Variants in STT3B observed in about 807,000 individuals in gnomAD.
STT3B encodes the protein STT3 oligosaccharyltransferase complex catalytic subunit B.
A neutral mutation model predicts 96.8 loss-of-function variants in STT3B; 29 were observed. That is an observed-to-expected ratio of 0.30 (90% CI 0.22 to 0.41). STT3B has a LOEUF of 0.41. STT3B is among the 10% of genes least tolerant of loss of function. STT3B has a pLI of 1.00. For missense variants in STT3B, 640 were observed against 1,022.3 expected, an observed-to-expected ratio of 0.63 and a Z score of 5.10; for synonymous variants, 367 against 360.0, an observed-to-expected ratio of 1.02 and a Z score of -0.22.
intron 2 of STT3B, among the ~76,000 whole-genome samples, chr3:31,578,483 T>C (rs1047476915): frequency 1.3e-5 from 2 of 152,100 alleles, no homozygotes; most frequent in African/African-American, 4.8e-5. Context: ...TTGGCTGTTT[T>C]TGTGTGTGTC....
At chr3:31,570,247 TAAGC>T (rs557087892) in intron 1 of STT3B, among the ~76,000 whole-genome samples, 7 of 152,150 alleles carry the variant, frequency 4.6e-5, no homozygotes, top group Non-Finnish European at 8.8e-5. Flanking sequence ...AGTAATTAGC[TAAGC>T]AAGCATTAAT....
chr3:31,628,043 C>T (rs1266378377), intron 13 of STT3B, among the ~76,000 whole-genome samples: 1 of 150,358 alleles, frequency 6.7e-6, no homozygotes, highest in Non-Finnish European at 1.5e-5. Flanking sequence ...TAGGTAATAA[C>T]AATGTATTGT....
intron 1 of STT3B, among the ~76,000 whole-genome samples, chr3:31,542,769 G>C (rs1308699408): frequency 6.6e-6 from 1 of 152,118 alleles, no homozygotes; most frequent in African/African-American, 2.4e-5. Context: ...TATATTGACT[G>C]TTAAGAAAAA....
At chr3:31,536,682 C>CT (rs1482536244) in intron 1 of STT3B, among the ~76,000 whole-genome samples, 2 of 152,164 alleles carry the variant, frequency 1.3e-5, no homozygotes, top group African/African-American at 4.8e-5. Context: ...GTACACTGCA[C>CT]TTTTTTAACA....
At chr3:31,578,668 C>CT (rs886175769) in intron 2 of STT3B, among the ~76,000 whole-genome samples, 3 of 151,412 alleles carry the variant, frequency 2.0e-5, no homozygotes, top group Non-Finnish European at 4.4e-5. Flanking sequence ...AATTATCATG[C>CT]TTTTTTTTCC....
At chr3:31,593,710 C>G (rs1331493427) in intron 3 of STT3B, among the ~76,000 whole-genome samples, 1 of 152,044 alleles carries the variant, frequency 6.6e-6, no homozygotes. Context: ...TCTAAAATTT[C>G]TAGTTCATTC....
At position 31,532,950 on chromosome 3, in the gene STT3B, A is replaced by AGGG; in HGVS notation, c.-47_-46insGGG. The AGGG allele has an allele frequency of 6.5e-7, 1 of 1,546,264 alleles. No individual in the cohort carries two copies. Among genetic ancestry groups the AGGG allele is most frequent in the East Asian group, 2.6e-5 (1 of 38,334 alleles). ...GTCCCCGCCCAGCACCCCTCGCACC[A>AGGG]GGCGGCGGCGGCGGAGGAGGAGAGC... On this transcript the variant is annotated 5_prime_UTR_variant, in exon 1 of 16. Transcript: ENST00000295770.
chr3:31,581,505 C>A (rs903385209), intron 3 of STT3B, among the ~76,000 whole-genome samples: 4 of 152,090 alleles, frequency 2.6e-5, no homozygotes, highest in Non-Finnish European at 5.9e-5. Context: ...CTACCATTTG[C>A]ATTTTTTAAT....
At chr3:31,626,703 C>T (rs115117510) in intron 13 of STT3B, among the ~76,000 whole-genome samples, 103 of 152,132 alleles carry the variant, frequency 6.8e-4, no homozygotes, top group African/African-American at 2.3e-3. Context: ...AAATGGTGAC[C>T]GAGGCCGACT....
chr3:31,578,088 C>G (rs1239962876), intron 2 of STT3B, among the ~76,000 whole-genome samples: 2 of 152,130 alleles, frequency 1.3e-5, no homozygotes, highest in African/African-American at 4.8e-5. Flanking sequence ...GTAGAACCCA[C>G]ATTGACACAT....
chr3:31,561,056 A>T (rs1197251594), intron 1 of STT3B, among the ~76,000 whole-genome samples: 1 of 151,506 alleles, frequency 6.6e-6, no homozygotes, highest in Non-Finnish European at 1.5e-5. Context: ...TATATTTTTT[A>T]TTTCATTCAA....
chr3:31,553,045 T>C (rs1018694432), intron 1 of STT3B, among the ~76,000 whole-genome samples: 2 of 141,870 alleles, frequency 1.4e-5, no homozygotes, highest in Non-Finnish European at 3.0e-5. Flanking sequence ...GAGCTTGCAG[T>C]GAGTCGAGAT....
rs774061770 is a variant in STT3B, at chr3:31,632,922, G to A, written c.2188-13G>A. On this transcript the variant is annotated splice_polypyrimidine_tract_variant and intron_variant, in intron 14 of 15. Coordinates refer to ENST00000295770, the MANE Select transcript of STT3B (RefSeq NM_178862.3). ...AATATGGTTAACACCCAATAATAAT[G>A]TCACTTTTGCAGCTGGATTTTCGTA... 5 of 1,612,048 alleles carry A rather than the reference G, an allele frequency of 3.1e-6. No individual in the cohort carries two copies. The highest frequency in any genetic ancestry group is 1.7e-5 in the Admixed American group (1 of 59,884).
At chr3:31,633,207 G>T in intron 15 of STT3B, 60 bp downstream of exon 15, 2 of 1,436,268 alleles carry the variant, frequency 1.4e-6, no homozygotes, top group East Asian at 2.4e-5. Context: ...GTATGAAAAA[G>T]AATTTCTGGA....
chr3:31,537,742 A>G (rs933964008), intron 1 of STT3B, among the ~76,000 whole-genome samples: 4 of 152,208 alleles, frequency 2.6e-5, no homozygotes, highest in East Asian at 1.9e-4. Flanking sequence ...AAGGATTTAC[A>G]TCATAATCTC....
intron 1 of STT3B, among the ~76,000 whole-genome samples, chr3:31,575,807 T>G (rs1014624639): frequency 1.3e-5 from 2 of 152,088 alleles, no homozygotes; most frequent in African/African-American, 4.8e-5. Flanking sequence ...TGACAGCTGC[T>G]TTATACTAAA....
At chr3:31,608,040 T>C (rs928627328) in intron 5 of STT3B, among the ~76,000 whole-genome samples, 3 of 152,214 alleles carry the variant, frequency 2.0e-5, no homozygotes, top group African/African-American at 7.2e-5. Context: ...AATAAGAGGC[T>C]GTACAGTTTT....
chr3:31,598,752 A>G (rs1314536695), intron 4 of STT3B, among the ~76,000 whole-genome samples: 1 of 152,014 alleles, frequency 6.6e-6, no homozygotes, highest in Non-Finnish European at 1.5e-5. Flanking sequence ...TGTAGTAGAT[A>G]CCTAGAGTCA....
At chr3:31,536,081 T>C (rs13100041) in intron 1 of STT3B, among the ~76,000 whole-genome samples, 72,012 of 151,980 alleles carry the variant, frequency 0.47, 20,064 homozygotes, top group Non-Finnish European at 0.62. Context: ...TGTTTTTTTT[T>C]CATGTCTTTT....
Sources: allele counts gnomAD v4.1 joint callset (sites outside exome capture counted in the v4.1 genomes callset), GRCh38; gene constraint gnomAD v4.1.1; transcripts MANE v1.5; gene names NCBI Gene and HGNC (gene_info 2026-07-23, HGNC 2026-07-21).